The following KIAA1958 variants were observed in gnomAD, a reference collection of about 807,000 sequenced individuals.
The protein encoded by KIAA1958 is uncharacterized protein KIAA1958.
Under a neutral mutation model 47.2 loss-of-function variants are expected in KIAA1958, and 14 were observed. That is an observed-to-expected ratio of 0.30 (90% CI 0.20 to 0.46). The LOEUF is 0.46. Among genes scored for constraint, KIAA1958 ranks in the 20% least tolerant of loss-of-function variants. KIAA1958 has a pLI of 1.00. For missense variants in KIAA1958, 803 were observed against 909.2 expected, an observed-to-expected ratio of 0.88 and a Z score of 1.50; for synonymous variants, 354 against 353.3, an observed-to-expected ratio of 1.00 and a Z score of -0.02.
At chr9:112,629,613 C>T (rs1473179457) in intron 2 of KIAA1958, among the ~76,000 whole-genome samples, 1 of 152,174 alleles carries the variant, frequency 6.6e-6, no homozygotes, top group African/African-American at 2.4e-5. Flanking sequence ...ATTTTTTACA[C>T]TAAGATGTTC....
chr9:112,625,516 ACACCCT>A (rs1321249376), intron 2 of KIAA1958, among the ~76,000 whole-genome samples: 1 of 151,860 alleles, frequency 6.6e-6, no homozygotes, highest in East Asian at 1.9e-4. Context: ...CCAGGTGCTC[ACACCCT>A]GTTAGGGTGT....
chr9:112,633,969 T>C (rs1385463012), intron 2 of KIAA1958, among the ~76,000 whole-genome samples: 1 of 152,184 alleles, frequency 6.6e-6, no homozygotes, highest in African/African-American at 2.4e-5. Context: ...TATGTACACG[T>C]TTCTGTTGGG....
rs773714091 is a variant in KIAA1958, at chr9:112,568,490, G to C, written c.-24-5567G>C. On this transcript the variant is annotated intron_variant, in intron 1 of 3. Transcript: ENST00000337530. Reference sequence around the variant, plus strand: ...CTTTTTGGAGTCAAATTTGCAAAAAGTACATAAAATAAATTAGAACTCTGT... The same window carrying C: ...CTTTTTGGAGTCAAATTTGCAAAAACTACATAAAATAAATTAGAACTCTGT... Among the ~76,000 whole-genome samples the C allele has an allele frequency of 1.3e-4, 20 of 152,228 alleles. No individual in the cohort carries two copies. The Middle Eastern group carries it at 0.014, about 104-fold the overall frequency.
chr9:112,590,612 A>C (rs56921817), intron 2 of KIAA1958, among the ~76,000 whole-genome samples: 17,046 of 152,042 alleles, frequency 0.11, 1,388 homozygotes, highest in East Asian at 0.19. Context: ...TGGGCTCCCA[A>C]AGTGCTAGGA....
chr9:112,565,688 CTTT>C (rs772711997), intron 1 of KIAA1958, among the ~76,000 whole-genome samples: 2 of 152,096 alleles, frequency 1.3e-5, no homozygotes, highest in African/African-American at 4.8e-5. Flanking sequence ...GATAACTATT[CTTT>C]TGACTCAATA....
intron 1 of KIAA1958, among the ~76,000 whole-genome samples, chr9:112,570,932 T>G (rs1490982166): frequency 6.6e-6 from 1 of 152,218 alleles, no homozygotes; most frequent in Non-Finnish European, 1.5e-5. Flanking sequence ...ACCTGGGAAC[T>G]GCTGGCGTAA....
intron 1 of KIAA1958, among the ~76,000 whole-genome samples, chr9:112,566,867 C>A (rs1307508785): frequency 6.6e-6 from 1 of 152,106 alleles, no homozygotes; most frequent in Non-Finnish European, 1.5e-5. Flanking sequence ...TGAGTGATGT[C>A]ACTTAAGGTG....
chr9:112,567,667 C>A (rs903694387), intron 1 of KIAA1958, among the ~76,000 whole-genome samples: 1 of 151,818 alleles, frequency 6.6e-6, no homozygotes, highest in African/African-American at 2.4e-5. Context: ...ATCAAAATCC[C>A]GAAAATACAG....
intron 2 of KIAA1958, among the ~76,000 whole-genome samples, chr9:112,595,572 C>T (rs999377960): frequency 1.3e-5 from 2 of 149,656 alleles, no homozygotes; most frequent in Admixed American, 6.7e-5. Flanking sequence ...TGGGGGTAGG[C>T]GGAGCTGAGG....
At chr9:112,570,338 T>C (rs1370092484) in intron 1 of KIAA1958, among the ~76,000 whole-genome samples, 1 of 152,194 alleles carries the variant, frequency 6.6e-6, no homozygotes, top group East Asian at 1.9e-4. Flanking sequence ...TCTTACATGA[T>C]TGAATAATTT....
chr9:112,579,278 A>G (rs533681827), intron 2 of KIAA1958, among the ~76,000 whole-genome samples: 37 of 152,116 alleles, frequency 2.4e-4, no homozygotes, highest in Admixed American at 1.3e-3. Context: ...CAGTCAATCA[A>G]TCTTTTCTGT....
intron 1 of KIAA1958, among the ~76,000 whole-genome samples, chr9:112,548,982 C>G (rs1409555084): frequency 6.6e-6 from 1 of 152,082 alleles, no homozygotes; most frequent in Non-Finnish European, 1.5e-5. Context: ...TTGGGATAAC[C>G]CAGTCCTGCT....
intron 1 of KIAA1958, among the ~76,000 whole-genome samples, chr9:112,551,548 G>T (rs1221193156): frequency 6.6e-6 from 1 of 152,178 alleles, no homozygotes; most frequent in Non-Finnish European, 1.5e-5. Flanking sequence ...TTCAACAAAA[G>T]TTACATAATT....
At chr9:112,509,114 T>C (rs1471095203) in intron 1 of KIAA1958, among the ~76,000 whole-genome samples, 3 of 151,632 alleles carry the variant, frequency 2.0e-5, no homozygotes, top group Admixed American at 6.6e-5. Flanking sequence ...GTTAGAATAG[T>C]GTATGGAGAA....
intron 2 of KIAA1958, among the ~76,000 whole-genome samples, chr9:112,607,908 T>G (rs1172119211): frequency 2.0e-5 from 3 of 152,112 alleles, no homozygotes; most frequent in African/African-American, 7.2e-5. Context: ...AGTGGAGAAT[T>G]TTGAACCTAA....
At chr9:112,568,921 T>A (rs1480787230) in intron 1 of KIAA1958, among the ~76,000 whole-genome samples, 1 of 45,460 alleles carries the variant, frequency 2.2e-5, no homozygotes, top group Non-Finnish European at 4.7e-5. Context: ...GCTGCCAATT[T>A]AAGAATAGGA....
At position 112,604,896 on chromosome 9, in the gene KIAA1958, T is replaced by A. The variant is rs920878633; in HGVS notation, c.1171+29645T>A. ...ACAGGGCGTGGACACTATATATATATAATAAATATTTTATATACTATATAA... is the reference window on the plus strand; with the variant it reads ...ACAGGGCGTGGACACTATATATATAAAATAAATATTTTATATACTATATAA... On this transcript the variant is annotated intron_variant, in intron 2 of 3. Coordinates refer to ENST00000337530, the MANE Select transcript of KIAA1958 (RefSeq NM_133465.4). Among the ~76,000 whole-genome samples, 10 of 147,942 alleles carry A rather than the reference T, an allele frequency of 6.8e-5. No individual in the cohort carries two copies. In the East Asian group the frequency reaches 7.8e-4, roughly 12 times the overall value.
At chr9:112,543,227 T>TTGTTTGTG (rs1404527223) in intron 1 of KIAA1958, among the ~76,000 whole-genome samples, 1 of 1,934 alleles carries the variant, frequency 5.2e-4, no homozygotes, top group Non-Finnish European at 1.4e-3. Context: ...TTTGTTGTTG[T>TTGTTTGTG]TGTTTGTTTG....
intron 1 of KIAA1958, among the ~76,000 whole-genome samples, chr9:112,526,642 C>G (rs746407689): frequency 9.2e-5 from 14 of 152,204 alleles, no homozygotes; most frequent in Admixed American, 2.0e-4. Flanking sequence ...TAAGGACCTT[C>G]TTGCTGTGTT....
Sources: allele counts gnomAD v4.1 joint callset (sites outside exome capture counted in the v4.1 genomes callset), GRCh38; gene constraint gnomAD v4.1.1; transcripts MANE v1.5; gene names NCBI Gene and HGNC (gene_info 2026-07-23, HGNC 2026-07-21).